Variants in ATP2B2 observed in about 807,000 individuals in gnomAD.
The protein encoded by ATP2B2 is ATPase plasma membrane Ca2+ transporting 2.
ATP2B2 carries 15 observed loss-of-function variants against 120.0 expected under a neutral mutation model. The ratio of observed to expected loss-of-function variants is 0.12; its 90% confidence interval spans 0.08 to 0.19. The LOEUF (loss-of-function observed/expected upper bound fraction) is 0.19. ATP2B2 is among the 10% of genes least tolerant of loss of function. The pLI is 1.00. For missense variants in ATP2B2, 1,045 were observed against 1,719.8 expected (o/e 0.61, Z 6.94); for synonymous variants, 694 against 700.3 (o/e 0.99, Z 0.14).
At chr3:10,628,015 G>T (rs1232597638) in intron 1 of ATP2B2, among the ~76,000 whole-genome samples, 1 of 152,152 alleles carries the variant, frequency 6.6e-6, no homozygotes, top group Non-Finnish European at 1.5e-5. Context: ...ACAGGTGTTG[G>T]GGGCAAGGGA....
chr3:10,685,858 G>A (rs1207197748), intron 1 of ATP2B2, among the ~76,000 whole-genome samples: 2 of 152,124 alleles, frequency 1.3e-5, no homozygotes, highest in Admixed American at 6.5e-5. Context: ...ATATGAGAAG[G>A]CTTCCCATTT....
At chr3:10,569,216 C>T (rs980513648) in intron 2 of ATP2B2, among the ~76,000 whole-genome samples, 2 of 152,202 alleles carry the variant, frequency 1.3e-5, no homozygotes, top group African/African-American at 4.8e-5. Flanking sequence ...ATTATAAAAA[C>T]AATCGCTCCT....
chr3:10,700,209 G>C (rs1434524140), intron 1 of ATP2B2, among the ~76,000 whole-genome samples: 1 of 151,890 alleles, frequency 6.6e-6, no homozygotes, highest in African/African-American at 2.4e-5. Context: ...TCATTCCTGT[G>C]CCAGACCAAG....
chr3:10,374,645 G>A (rs902978520), intron 11 of ATP2B2, among the ~76,000 whole-genome samples: 2 of 152,178 alleles, frequency 1.3e-5, no homozygotes, highest in Admixed American at 6.5e-5. Context: ...AATGAGACCC[G>A]GGTGTGAGAA....
At chr3:10,499,585 C>A (rs935937431) in intron 1 of ATP2B2, among the ~76,000 whole-genome samples, 1 of 152,186 alleles carries the variant, frequency 6.6e-6, no homozygotes, top group East Asian at 1.9e-4. Flanking sequence ...CCCTATTCTC[C>A]GGAAGAGCAC....
chr3:10,444,578 C>T (rs1325300119), intron 2 of ATP2B2, among the ~76,000 whole-genome samples: 21 of 152,232 alleles, frequency 1.4e-4, no homozygotes, highest in Non-Finnish European at 4.4e-5. Flanking sequence ...GTATCCAGTT[C>T]CCACTCCACC....
At chr3:10,508,179 G>A (rs6788913), upstream of ATP2B2, among the ~76,000 whole-genome samples, 9 of 151,978 alleles carry the variant, frequency 5.9e-5, no homozygotes, top group South Asian at 4.1e-4. Context: ...CATCCACCCC[G>A]CAGTGACTGG....
chr3:10,685,504 G>C (rs2071497680), intron 1 of ATP2B2, among the ~76,000 whole-genome samples: 1 of 152,158 alleles, frequency 6.6e-6, no homozygotes, highest in Non-Finnish European at 1.5e-5. Flanking sequence ...GCCTGAGAGA[G>C]AGAGAGAGAG....
intron 2 of ATP2B2, among the ~76,000 whole-genome samples, chr3:10,432,247 G>A (rs1283255394): frequency 6.6e-6 from 1 of 152,206 alleles, no homozygotes; most frequent in Admixed American, 6.5e-5. Flanking sequence ...CCATAATAAA[G>A]GGCATGTCCT....
intron 8 of ATP2B2, among the ~76,000 whole-genome samples, chr3:10,381,753 G>C (rs1352091053): frequency 1.3e-5 from 2 of 152,134 alleles, no homozygotes; most frequent in African/African-American, 4.8e-5. Flanking sequence ...CCTCAGGTGG[G>C]GTCTCAGAGG....
chr3:10,388,500 G>C, intron 5 of ATP2B2, 98 bp from the exon 6 acceptor site: 1 of 1,552,160 alleles, frequency 6.4e-7, no homozygotes, highest in Non-Finnish European at 8.9e-7. Flanking sequence ...CTGGCTCTTT[G>C]CCTGCAGAGG....
chr3:10,707,024 CA>C (rs1169312018), intron 1 of ATP2B2, among the ~76,000 whole-genome samples: 1 of 152,236 alleles, frequency 6.6e-6, no homozygotes, highest in Non-Finnish European at 1.5e-5. Flanking sequence ...AGGACATCAC[CA>C]AAGGCCAGAG....
chr3:10,600,191 A>T (rs1175289383), intron 2 of ATP2B2, among the ~76,000 whole-genome samples: 1 of 152,230 alleles, frequency 6.6e-6, no homozygotes. Context: ...GTGTAAAATC[A>T]GAAAATATCT....
At chr3:10,704,978 T>C (rs1575636487) in intron 1 of ATP2B2, among the ~76,000 whole-genome samples, 1 of 152,320 alleles carries the variant, frequency 6.6e-6, no homozygotes, top group African/African-American at 2.4e-5. Context: ...CTTAAGTAGG[T>C]TAATATTTCT....
chr3:10,689,840 ACCCTCCAC>A (rs2071615167), intron 1 of ATP2B2, among the ~76,000 whole-genome samples: 1 of 152,060 alleles, frequency 6.6e-6, no homozygotes, highest in African/African-American at 2.4e-5. Flanking sequence ...ATTGCTGCGC[ACCCTCCAC>A]CCCGAGGTGG....
intron 2 of ATP2B2, among the ~76,000 whole-genome samples, chr3:10,446,281 T>G (rs1183773225): frequency 2.0e-5 from 3 of 152,162 alleles, no homozygotes; most frequent in Non-Finnish European, 4.4e-5. Context: ...ATGAAAACAA[T>G]GACAAGAGCT....
chr3:10,606,251 T>C (rs1257903467), intron 2 of ATP2B2, among the ~76,000 whole-genome samples: 3 of 152,214 alleles, frequency 2.0e-5, no homozygotes, highest in Non-Finnish European at 4.4e-5. Context: ...CGCAGCTCTC[T>C]GAGCCTCAGT....
chr3:10,695,400 G>C (rs147339316), intron 1 of ATP2B2, among the ~76,000 whole-genome samples: 1,878 of 152,106 alleles, frequency 0.012, 12 homozygotes, highest in Middle Eastern at 0.02. Flanking sequence ...ACCTCCCACC[G>C]GGTCCCTCCC....
chr3:10,569,626 C>T (rs1360808844), intron 2 of ATP2B2, among the ~76,000 whole-genome samples: 2 of 152,106 alleles, frequency 1.3e-5, no homozygotes, highest in Non-Finnish European at 2.9e-5. Flanking sequence ...ACAGTGAGGA[C>T]AGGGAGTCAG....
Sources: allele counts gnomAD v4.1 joint callset (sites outside exome capture counted in the v4.1 genomes callset), GRCh38; gene constraint gnomAD v4.1.1; transcripts MANE v1.5; gene names NCBI Gene and HGNC (gene_info 2026-07-23, HGNC 2026-07-21).